The following AP1S3 variants were observed in gnomAD, a reference collection of about 807,000 sequenced individuals.
AP1S3 encodes adaptor related protein complex 1 subunit sigma 3, also known as AP-1 complex subunit sigma-3.
AP1S3 carries 10 observed loss-of-function variants against 20.9 expected under a neutral mutation model. The observed-to-expected ratio is 0.48, with a 90% CI of 0.29 to 0.81. The LOEUF is 0.81. Ranked by LOEUF, AP1S3 falls within the 30% of genes least tolerant of loss-of-function variation. AP1S3 has a pLI of 0.08. For missense variants in AP1S3, 154 were observed against 183.8 expected (o/e 0.84, Z 0.94); for synonymous variants, 41 against 61.5 (o/e 0.67, Z 1.56).
chr2:223,831,998 A>T (rs1692269857), intron 1 of AP1S3, among the ~76,000 whole-genome samples: 2 of 150,872 alleles, frequency 1.3e-5, no homozygotes, highest in South Asian at 4.3e-4. Flanking sequence ...AATGGCGTGA[A>T]CCCGGGAGGC....
intron 1 of AP1S3, among the ~76,000 whole-genome samples, chr2:223,829,701 G>A (rs1050227385): frequency 2.0e-5 from 3 of 151,704 alleles, no homozygotes; most frequent in African/African-American, 4.8e-5. Context: ...GCTGGGTAAG[G>A]TGGTGGGCAC....
chr2:223,784,198 C>T (rs886600372), intron 1 of AP1S3, among the ~76,000 whole-genome samples: 1 of 152,146 alleles, frequency 6.6e-6, no homozygotes, highest in Non-Finnish European at 1.5e-5. Flanking sequence ...CAGTAGTACT[C>T]GGAGACCCTC....
intron 3 of AP1S3, chr2:223,770,266 C>T (rs764646925): frequency 5.8e-6 from 9 of 1,550,334 alleles, no homozygotes; most frequent in African/African-American, 4.1e-5. Flanking sequence ...TCAAGGCAGG[C>T]GTAGACCAGG....
chr2:223,808,735 G>A (rs1691641309), intron 1 of AP1S3, among the ~76,000 whole-genome samples: 1 of 152,218 alleles, frequency 6.6e-6, no homozygotes, highest in Non-Finnish European at 1.5e-5. Flanking sequence ...GCTGGGCACA[G>A]AAGCTCACGC....
At position 223,832,352 on chromosome 2, in the gene AP1S3, C is replaced by CACAAACAAACAA. The variant is rs77999290; in HGVS notation, c.3+5084_3+5095dup. On this transcript the variant is annotated intron_variant, in intron 1 of 4. Transcript: ENST00000396654. ...GTTATCAGCAGCTGACAATACTCAC[C>CACAAACAAACAA]ACAAACAAACAAACAAACAAAACGA... Among the ~76,000 whole-genome samples, 508 of 150,854 alleles carry CACAAACAAACAA rather than the reference C, an allele frequency of 3.4e-3. 2 individuals are homozygous for CACAAACAAACAA. The highest frequency in any genetic ancestry group is 0.011 in the African/African-American group (452 of 41,086).
intron 3 of AP1S3, among the ~76,000 whole-genome samples, chr2:223,773,615 G>A (rs1690683411): frequency 6.6e-6 from 1 of 151,986 alleles, no homozygotes; most frequent in Non-Finnish European, 1.5e-5. Context: ...AAAAAGGGAG[G>A]GAGGAAAAAT....
chr2:223,771,353 A>G (rs907245994), intron 3 of AP1S3, among the ~76,000 whole-genome samples: 1 of 152,096 alleles, frequency 6.6e-6, no homozygotes, highest in African/African-American at 2.4e-5. Flanking sequence ...AAGAAACAAA[A>G]TAAAATAAAA....
intron 1 of AP1S3, among the ~76,000 whole-genome samples, chr2:223,821,920 A>G (rs937597804): frequency 2.2e-5 from 3 of 136,684 alleles, no homozygotes; most frequent in African/African-American, 7.9e-5. Context: ...TCTCAAGCCC[A>G]AGTTCTCATT....
chr2:223,797,345 A>T (rs1394271687), intron 1 of AP1S3, among the ~76,000 whole-genome samples: 1 of 152,236 alleles, frequency 6.6e-6, no homozygotes, highest in Non-Finnish European at 1.5e-5. Context: ...TGCCATAGTC[A>T]AGTGTGGCCA....
Position 223,812,651 on chromosome 2 carries a change from T to G in AP1S3, c.3+24797A>C, listed in dbSNP as rs113596903. 5.1e-3 allele frequency among the ~76,000 whole-genome samples: 780 copies of G among 152,230 alleles called. 5 individuals are homozygous for G. Among genetic ancestry groups the G allele is most frequent in the African/African-American group, 0.018 (738 of 41,552 alleles). On this transcript the variant is annotated intron_variant, in intron 1 of 4. Transcript: ENST00000396654. ...ACACGGAAACTTTAGTTCTGAAAAA[T>G]AAAACTTAATTATGAAGAATAAAAT... is the stretch of plus-strand genomic sequence containing the variant.
chr2:223,803,875 GTC>G (rs1691521273), intron 1 of AP1S3, among the ~76,000 whole-genome samples: 1 of 137,142 alleles, frequency 7.3e-6, no homozygotes, highest in Admixed American at 7.5e-5. Flanking sequence ...GCGAGACTCC[GTC>G]TCAAAAAAAA....
At chr2:223,785,420 AG>A (rs1269661000) in intron 1 of AP1S3, among the ~76,000 whole-genome samples, 3 of 152,236 alleles carry the variant, frequency 2.0e-5, no homozygotes, top group African/African-American at 7.2e-5. Context: ...TTGCAAAAAA[AG>A]ATTACATGAA....
At chr2:223,800,493 G>A (rs749706017) in intron 1 of AP1S3, among the ~76,000 whole-genome samples, 2 of 151,862 alleles carry the variant, frequency 1.3e-5, no homozygotes, top group Non-Finnish European at 2.9e-5. Flanking sequence ...TCAGGCCACT[G>A]CACTTCAGTC....
At chr2:223,775,423 C>T (rs1005327378) in intron 3 of AP1S3, among the ~76,000 whole-genome samples, 20 of 152,188 alleles carry the variant, frequency 1.3e-4, no homozygotes, top group Non-Finnish European at 2.6e-4. Context: ...AGAAAAGAGA[C>T]GACAAAGCCA....
rs1038824252 is a variant in AP1S3 at position 223,772,681 on chromosome 2, T to G, written c.291+3220A>C. 2.0e-5 allele frequency among the ~76,000 whole-genome samples: 3 copies of G among 152,314 alleles called. No homozygotes were observed. The East Asian group carries it at 5.8e-4, about 29-fold the overall frequency. On this transcript the variant is annotated intron_variant, in intron 3 of 4. Coordinates refer to ENST00000396654, the MANE Select transcript of AP1S3 (RefSeq NM_001039569.2). The stretch of plus-strand genomic sequence containing the variant: ...AAAAAAAATACATAACTTAAATTAG[T>G]AGCCAGAGATTTTGATCCGTCTGTC...
rs145041727 is a variant in AP1S3, at chr2:223,822,879, C to CAACTCAAT, written c.3+14561_3+14568dup. Among the ~76,000 whole-genome samples the CAACTCAAT allele has an allele frequency of 6.9e-3, 1,048 of 151,616 alleles. 17 individuals carry two copies. Among genetic ancestry groups the CAACTCAAT allele is most frequent in the African/African-American group, 0.025 (1,013 of 41,296 alleles). ...GTACAAAATACATAAGGAACTCAAA[C>CAACTCAAT]AACTCAATAGCAAAAAAACAACCCA... On this transcript the variant is annotated intron_variant, in intron 1 of 4. Coordinates refer to ENST00000396654, the MANE Select transcript of AP1S3 (RefSeq NM_001039569.2).
intron 3 of AP1S3, among the ~76,000 whole-genome samples, chr2:223,772,753 A>C (rs1232985704): frequency 6.6e-6 from 1 of 152,216 alleles, no homozygotes; most frequent in Non-Finnish European, 1.5e-5. Flanking sequence ...CTCAGTACCA[A>C]GTTTTCCCCT....
Position 223,764,998 on chromosome 2 carries a change from G to T in AP1S3, c.429+215C>A. 5.5e-6 allele frequency: 3 copies of T among 545,170 alleles called. No individual in the cohort carries two copies. The South Asian group carries it at 1.3e-4, about 23-fold the overall frequency. The allele number at this position is 545,170 out of a possible 1,614,324, so 33.8% of individuals were successfully genotyped here. A position where few individuals can be genotyped will look rare whatever the true frequency, so the allele number is the denominator to read the frequency against. The stretch of plus-strand genomic sequence containing the variant: ...ATTGAGCAGGTCATTTAACCTCTTG[G>T]TGTCTCAGTTTACTCATCTGTAAAG... On this transcript the variant is annotated intron_variant, in intron 4 of 4. Coordinates refer to ENST00000396654, the MANE Select transcript of AP1S3 (RefSeq NM_001039569.2).
intron 1 of AP1S3, among the ~76,000 whole-genome samples, chr2:223,780,189 C>A (rs182390208): frequency 6.7e-6 from 1 of 149,454 alleles, no homozygotes; most frequent in South Asian, 2.1e-4. Flanking sequence ...TGGCTCACTG[C>A]GGCTTCAACC....
Sources: allele counts gnomAD v4.1 joint callset (sites outside exome capture counted in the v4.1 genomes callset), GRCh38; gene constraint gnomAD v4.1.1; transcripts MANE v1.5; gene names NCBI Gene and HGNC (gene_info 2026-07-23, HGNC 2026-07-21).